The following PLSCR5 variants were observed in gnomAD, a reference collection of about 807,000 sequenced individuals.
The protein encoded by PLSCR5 is phospholipid scramblase family, member 5.
PLSCR5 carries 44 observed loss-of-function variants against 33.6 expected under a neutral mutation model. The observed-to-expected ratio is 1.31, with a 90% CI of 1.03 to 1.69. The LOEUF (loss-of-function observed/expected upper bound fraction) is 1.69. Among genes scored for constraint, PLSCR5 ranks in the 40% most tolerant of loss-of-function variants. The pLI, the probability that PLSCR5 is intolerant of heterozygous loss-of-function variation, is 0.00. For missense variants in PLSCR5, 375 were observed against 318.7 expected (o/e 1.18, Z -1.34); for synonymous variants, 148 against 112.3 (o/e 1.32, Z -2.01).
chr3:146,594,346 A>C (rs563876568), intron 3 of PLSCR5, among the ~76,000 whole-genome samples: 1 of 152,256 alleles, frequency 6.6e-6, no homozygotes, highest in Non-Finnish European at 1.5e-5. Context: ...AAAGCTATAT[A>C]ATTAATTAAT....
chr3:146,584,601 A>G (rs2044654442), downstream of PLSCR5, among the ~76,000 whole-genome samples: 1 of 152,172 alleles, frequency 6.6e-6, no homozygotes, highest in African/African-American at 2.4e-5. Flanking sequence ...GAGGCAATGT[A>G]TATTCTTTGC....
intron 2 of PLSCR5, among the ~76,000 whole-genome samples, chr3:146,597,195 A>G (rs1045984514): frequency 1.3e-5 from 2 of 152,148 alleles, no homozygotes; most frequent in South Asian, 4.1e-4. Context: ...AAAAAGTAGT[A>G]CCTCTCTAAT....
At chr3:146,596,892 C>T (rs2044765954) in intron 2 of PLSCR5, among the ~76,000 whole-genome samples, 1 of 151,970 alleles carries the variant, frequency 6.6e-6, no homozygotes. Context: ...CTAAGATATT[C>T]TAAAACCTAA....
At chr3:146,599,261 A>G (rs2044789274) in intron 2 of PLSCR5, among the ~76,000 whole-genome samples, 1 of 152,196 alleles carries the variant, frequency 6.6e-6, no homozygotes, top group Non-Finnish European at 1.5e-5. Context: ...ACTATACCCA[A>G]TAGCAATATG....
At chr3:146,591,027 A>G (rs575343859) in intron 5 of PLSCR5, among the ~76,000 whole-genome samples, 10 of 145,336 alleles carry the variant, frequency 6.9e-5, no homozygotes, top group African/African-American at 2.0e-4. Flanking sequence ...TTACAAAACT[A>G]ACTTAGCAAG....
Position 146,596,262 on chromosome 3 carries a change from C to T in PLSCR5, c.190-1179G>A, listed in dbSNP as rs138061670. On this transcript the variant is annotated intron_variant, in intron 2 of 7. Coordinates refer to ENST00000443512, the MANE Select transcript of PLSCR5 (RefSeq NM_001085420.2). ...GGAGTGCAGTGGCACCATCTTGGCT[C>T]ACTGCAACCTCCACCTCCTAGGTTC... Among the ~76,000 whole-genome samples, 876 of 152,272 alleles carry T rather than the reference C, an allele frequency of 5.8e-3. 6 individuals carry two copies. The highest frequency in any genetic ancestry group is 0.02 in the African/African-American group (837 of 41,560).
intron 1 of PLSCR5, among the ~76,000 whole-genome samples, chr3:146,603,034 C>T (rs935861374): frequency 1.3e-5 from 2 of 152,074 alleles, no homozygotes; most frequent in Non-Finnish European, 2.9e-5. Context: ...TTCAGATCAC[C>T]GTGTTTGAGA....
At chr3:146,605,120 C>G in intron 1 of PLSCR5, 80 bp downstream of exon 1, 2 of 1,368,576 alleles carry the variant, frequency 1.5e-6, no homozygotes, top group Non-Finnish European at 2.0e-6. Flanking sequence ...ACCAATCTAA[C>G]TGGTTGTAAC....
chr3:146,591,976 A>G, intron 4 of PLSCR5, 95 bp from the exon 5 acceptor site: 1 of 1,058,054 alleles, frequency 9.5e-7, no homozygotes, highest in Admixed American at 3.2e-5. Context: ...ATATACTGTT[A>G]TAAAATTATT....
At chr3:146,587,399 T>C (rs1160334855) in intron 6 of PLSCR5, among the ~76,000 whole-genome samples, 1 of 152,178 alleles carries the variant, frequency 6.6e-6, no homozygotes, top group Non-Finnish European at 1.5e-5. Flanking sequence ...TAGTTCCAAT[T>C]TTGGCAGTAC....
intron 1 of PLSCR5, among the ~76,000 whole-genome samples, chr3:146,602,664 T>C (rs1228264633): frequency 6.6e-6 from 1 of 152,118 alleles, no homozygotes. Context: ...ATAGCTAGTA[T>C]AAGATTTTTA....
intron 1 of PLSCR5, among the ~76,000 whole-genome samples, chr3:146,600,873 A>G (rs1196633363): frequency 6.7e-6 from 1 of 148,518 alleles, no homozygotes; most frequent in Non-Finnish European, 1.5e-5. Flanking sequence ...TACATATATA[A>G]ATTATATATT....
chr3:146,601,222 T>C (rs2044812129), intron 1 of PLSCR5, among the ~76,000 whole-genome samples: 2 of 151,984 alleles, frequency 1.3e-5, no homozygotes, highest in Admixed American at 1.3e-4. Context: ...TTTGCATTAC[T>C]CTGTGTAATT....
At chr3:146,605,098 A>T (rs1173073052) in intron 1 of PLSCR5, 102 bp downstream of exon 1, 1 of 1,181,112 alleles carries the variant, frequency 8.5e-7, no homozygotes, top group Admixed American at 2.5e-5. Context: ...GACAAATGAC[A>T]GCTTTTAAAG....
chr3:146,602,875 A>G (rs2044830866), intron 1 of PLSCR5, among the ~76,000 whole-genome samples: 1 of 152,082 alleles, frequency 6.6e-6, no homozygotes, highest in Admixed American at 6.6e-5. Flanking sequence ...CTCAGAGGAT[A>G]TTGTGTCCAA....
At chr3:146,577,035 A>AT (rs2044603119) in intron 7 of PLSCR5, among the ~76,000 whole-genome samples, 1 of 152,042 alleles carries the variant, frequency 6.6e-6, no homozygotes, top group African/African-American at 2.4e-5. Flanking sequence ...ACTCTTAGGG[A>AT]TTTTGACTTA....
chr3:146,604,906 T>A (rs2044851611), intron 1 of PLSCR5, among the ~76,000 whole-genome samples: 1 of 152,172 alleles, frequency 6.6e-6, no homozygotes, highest in South Asian at 2.1e-4. Flanking sequence ...GTGTTTAACA[T>A]TGAAGATTCC....
chr3:146,577,082 A>C (rs538524316), intron 7 of PLSCR5, among the ~76,000 whole-genome samples: 8 of 152,226 alleles, frequency 5.3e-5, no homozygotes, highest in Admixed American at 4.6e-4. Context: ...GGATATTTTT[A>C]AAAAATAGCT....
intron 1 of PLSCR5, among the ~76,000 whole-genome samples, chr3:146,600,987 A>T (rs1348869217): frequency 4.8e-5 from 7 of 146,036 alleles, no homozygotes; most frequent in Non-Finnish European, 1.1e-4. Flanking sequence ...TTATATATTT[A>T]TATTTGTATA....
Sources: gnomAD v4.1 joint callset for allele counts (sites outside exome capture counted in the v4.1 genomes callset) on GRCh38, gnomAD v4.1.1 for gene constraint, MANE v1.5 for transcripts, NCBI Gene and HGNC (gene_info 2026-07-23, HGNC 2026-07-21) for gene names.